The following GRIN3B variants were observed in gnomAD, a reference collection of about 807,000 sequenced individuals.
GRIN3B encodes the protein glutamate receptor ionotropic, NMDA 3B.
GRIN3B carries 77 observed loss-of-function variants against 66.0 expected under a neutral mutation model. That is an observed-to-expected ratio of 1.17 (90% CI 0.97 to 1.41). The LOEUF (loss-of-function observed/expected upper bound fraction) is 1.41, where lower values mean the gene tolerates loss of function less well. GRIN3B is among the 40% of genes most tolerant of loss of function. The probability of loss-of-function intolerance (pLI) is 0.00; values close to 1 mark genes in which losing one functional copy is unlikely to be tolerated. For synonymous variants in GRIN3B, 823 were observed against 749.7 expected (o/e 1.10, Z -1.60); for missense variants, 1,787 against 1,564.5 (o/e 1.14, Z -2.40).
In GRIN3B at chr19:1,003,121, C is replaced by T; in HGVS notation, c.427-9C>T. On this transcript the variant is annotated splice_polypyrimidine_tract_variant and intron_variant, in intron 1 of 8. Transcript: ENST00000234389. ...TCGTCAACCCTAACCGTGGCCACCC[C>T]TCTCCCAGAACCCATTCCACCTGCA... 1 of 1,433,362 alleles carries T rather than the reference C, an allele frequency of 7.0e-7. No homozygotes were observed. The highest frequency in any genetic ancestry group is 9.1e-7 in the Non-Finnish European group (1 of 1,094,030). The allele number at this position is 1,433,362 out of a possible 1,614,324, so 88.8% of individuals were successfully genotyped here. A position where few individuals can be genotyped will look rare whatever the true frequency, so the allele number is the denominator to read the frequency against.
At position 1,009,237 on chromosome 19, in the gene GRIN3B, C is replaced by T. The variant is rs550629298; in HGVS notation, c.2767C>T (p.Arg923Trp). ...DQPTAPEGWK[R>W]ARRAVDKERR... is the part of the protein sequence containing the mutation. ...GCCAACGGCTCCGGAGGGCTGGAAACGGGCGCGCCGGGCCGTGGACAAGGA... is the reference window on the plus strand; with the variant it reads ...GCCAACGGCTCCGGAGGGCTGGAAATGGGCGCGCCGGGCCGTGGACAAGGA... The change falls in exon 9 of 9, where the codon CGG (arginine) becomes TGG (tryptophan). Residue 923 changes from arginine (R) to tryptophan (W), a missense_variant. Coordinates refer to ENST00000234389, the MANE Select transcript of GRIN3B (RefSeq NM_138690.3). 157 of 1,442,486 alleles carry T rather than the reference C, an allele frequency of 1.1e-4. No homozygotes were observed. The African/African-American group carries it at 2.2e-3, about 20-fold the overall frequency. 89.4% of individuals were successfully genotyped at this position (1,442,486 alleles called of 1,614,324 possible). A position where few individuals can be genotyped will look rare whatever the true frequency, so the allele number is the denominator to read the frequency against.
chr19:1,008,321 G>GGTGGGGGTGGGC, intron 6 of GRIN3B, 30 bp downstream of exon 6: 1 of 1,201,040 alleles, frequency 8.3e-7, no homozygotes, highest in Non-Finnish European at 1.2e-6. Flanking sequence ...AGAGGGTGGG[G>GGTGGGGGTGGGC]GTGGGGGTGG....
rs950407774 is a variant in GRIN3B at position 1,005,604 on chromosome 19, C to G, written c.2052+51C>G. 2 of 1,429,882 alleles carry G rather than the reference C, an allele frequency of 1.4e-6. No homozygotes were observed. The highest frequency in any genetic ancestry group is 1.4e-5 in the South Asian group (1 of 71,976). 88.6% of individuals were successfully genotyped at this position (1,429,882 alleles called of 1,614,324 possible). A position where few individuals can be genotyped will look rare whatever the true frequency, so the allele number is the denominator to read the frequency against. On this transcript the variant is annotated intron_variant, in intron 3 of 8. Transcript: ENST00000234389. The surrounding 1 kb of genome is among the most constrained non-coding windows in gnomAD (Gnocchi z 5.2). Reference sequence around the variant, plus strand: ...TGGCCTTGGGGGGCTAGCGGTGGCCCCGGGCTGGGCTGTGTGGGGCAGGGG... The same window carrying G: ...TGGCCTTGGGGGGCTAGCGGTGGCCGCGGGCTGGGCTGTGTGGGGCAGGGG...
chr19:1,007,290 G>A lies in GRIN3B; in HGVS notation c.2053-338G>A, dbSNP rs1346624034. 2.0e-5 allele frequency among the ~76,000 whole-genome samples: 3 copies of A among 152,012 alleles called. No homozygotes were observed. Among genetic ancestry groups the A allele is most frequent in the African/African-American group, 7.3e-5 (3 of 41,376 alleles). On this transcript the variant is annotated intron_variant, in intron 3 of 8. Transcript: ENST00000234389. This position sits in a 1 kb window ranked among gnomAD's most constrained non-coding sequence, Gnocchi z 4.4. ...ATGGACATGTTAGAGTGGGGCTCCC[G>A]TGGGACCCCCAGGGGAGAGGCAGAG...
Position 1,003,247 on chromosome 19 carries a change from C to A in GRIN3B, c.544C>A (p.Gln182Lys). The change falls in exon 2 of 9, where the codon CAG becomes AAG. Residue 182 changes from glutamine to lysine, a missense_variant. Physicochemically the swap from Gln to Lys is moderately conservative, Grantham distance 53. Coordinates refer to ENST00000234389, the MANE Select transcript of GRIN3B (RefSeq NM_138690.3). Reference sequence around the variant, plus strand: ...CGTCGGCCTGGCCCTGTGCCGCACTCAGGACCCCGGCGGCCTGGTGGCCCT... The same window carrying A: ...CGTCGGCCTGGCCCTGTGCCGCACTAAGGACCCCGGCGGCCTGGTGGCCCT... Reference protein sequence around the residue: ...EDVGLALCRTQDPGGLVALWT... With the variant: ...EDVGLALCRTKDPGGLVALWT... 1 of 1,576,066 alleles carries A rather than the reference C, an allele frequency of 6.3e-7. No homozygotes were observed. Among genetic ancestry groups the A allele is most frequent in the Non-Finnish European group, 8.6e-7 (1 of 1,162,572 alleles).
rs747449485 is a variant in GRIN3B, at chr19:1,009,404, C to T, written c.2934C>T (p.Pro978=). Residue 978 remains proline (P), a synonymous_variant, in exon 9 of 9, where the codon CCC becomes CCT. Coordinates refer to ENST00000234389, the MANE Select transcript of GRIN3B (RefSeq NM_138690.3). ...CCGCCGCAAGGCCCACGGGGGCCCC[C>T]CAGCCCGGGGAGCTGCAGGAGCTGG... ...RPPAARPTGA[P]QPGELQELER... The T allele has an allele frequency of 2.1e-6, 3 of 1,425,896 alleles. No individual in the cohort carries two copies. Among genetic ancestry groups the T allele is most frequent in the South Asian group, 1.4e-5 (1 of 71,114 alleles). The allele number at this position is 1,425,896 out of a possible 1,614,324, so 88.3% of individuals were successfully genotyped here. A position where few individuals can be genotyped will look rare whatever the true frequency, so the allele number is the denominator to read the frequency against.
In GRIN3B at chr19:1,005,517, G is replaced by A; in HGVS notation, c.2016G>A (p.Lys672=). Reference sequence around the variant, plus strand: ...TGGCTGCCGTCATGGTCGGGGACAAGACCTTCGAGGAGCTGTCGGGGATCC... The same window carrying A: ...TGGCTGCCGTCATGGTCGGGGACAAAACCTTCGAGGAGCTGTCGGGGATCC... ...ANLAAVMVGD[K]TFEELSGIHD... The change falls in exon 3 of 9, where the codon AAG becomes AAA. Residue 672 remains lysine (K), a synonymous_variant. Coordinates refer to ENST00000234389, the MANE Select transcript of GRIN3B (RefSeq NM_138690.3). This position sits in a 1 kb window ranked among gnomAD's most constrained non-coding sequence, Gnocchi z 5.2. 2 of 1,611,342 alleles carry A rather than the reference G, an allele frequency of 1.2e-6. No individual in the cohort carries two copies. Among genetic ancestry groups the A allele is most frequent in the Non-Finnish European group, 1.7e-6 (2 of 1,178,746 alleles).
Position 1,007,658 on chromosome 19 carries a change from G to A in GRIN3B, c.2083G>A (p.Gly695Ser), listed in dbSNP as rs1315085538. The change falls in exon 4 of 9, where the codon GGC becomes AGC. Residue 695 changes from glycine to serine, a missense_variant. Gly to Ser is a moderately conservative substitution (Grantham distance 56). Transcript: ENST00000234389. The surrounding 1 kb of genome is among the most constrained non-coding windows in gnomAD (Gnocchi z 4.4). ...LHHPAQGFRF[G>S]TVWESSAEAY... Reference sequence around the variant, plus strand: ...CCACCCGGCGCAGGGCTTCCGCTTCGGCACCGTGTGGGAGAGCAGCGCCGA... The same window carrying A: ...CCACCCGGCGCAGGGCTTCCGCTTCAGCACCGTGTGGGAGAGCAGCGCCGA... The A allele has an allele frequency of 1.0e-5, 16 of 1,529,108 alleles. No individual in the cohort carries two copies. Among genetic ancestry groups the A allele is most frequent in the Admixed American group, 2.0e-5 (1 of 49,196 alleles). The allele number at this position is 1,529,108 out of a possible 1,614,324, so 94.7% of individuals were successfully genotyped here.
At chr19:1,004,090 C>T (rs2038713352) in intron 2 of GRIN3B, among the ~76,000 whole-genome samples, 1 of 152,202 alleles carries the variant, frequency 6.6e-6, no homozygotes, top group African/African-American at 2.4e-5. Context: ...GTCTCAAACA[C>T]ACAAAGTCAG....
chr19:1,005,055 G>A lies in GRIN3B; in HGVS notation c.1554G>A (p.Gly518=). ...ACGGCCGCTGGACCGGCCTGGTCGG[G>A]GACCTGCTGGCCGGCCGGGCCCACA... ...LRDGRWTGLV[G]DLLAGRAHMA... Residue 518 remains glycine, a synonymous_variant, in exon 3 of 9, where the codon GGG becomes GGA. Coordinates refer to ENST00000234389, the MANE Select transcript of GRIN3B (RefSeq NM_138690.3). The surrounding 1 kb of genome is among the most constrained non-coding windows in gnomAD (Gnocchi z 5.2). The A allele has an allele frequency of 1.2e-6, 2 of 1,611,556 alleles. No individual in the cohort carries two copies. Among genetic ancestry groups the A allele is most frequent in the Non-Finnish European group, 1.7e-6 (2 of 1,179,116 alleles).
chr19:1,007,525 C>A lies in GRIN3B; in HGVS notation c.2053-103C>A. The A allele has an allele frequency of 7.8e-7, 1 of 1,289,320 alleles. No individual in the cohort carries two copies. The highest frequency in any genetic ancestry group is 1.9e-5 in the South Asian group (1 of 52,582). 79.9% of individuals were successfully genotyped at this position (1,289,320 alleles called of 1,614,324 possible). ...GGAGGCCAGGAATGCAGCCTCGGCG[C>A]CCTGCAGTGCCCAGGACGGCCCCAC... On this transcript the variant is annotated intron_variant, in intron 3 of 8. Transcript: ENST00000234389. This position sits in a 1 kb window ranked among gnomAD's most constrained non-coding sequence, Gnocchi z 4.4.
Position 1,000,422 on chromosome 19 carries a change from C to G in GRIN3B, c.-16C>G. On this transcript the variant is annotated 5_prime_UTR_variant, in exon 1 of 9. Transcript: ENST00000234389. ...GGTGGTTGCGCCCCGTGGCGAGCGA[C>G]GCCGACAACTTTGCGATGGAGTTTG... 8.2e-7 allele frequency: 1 copy of G among 1,212,302 alleles called. No homozygotes were observed. The highest frequency in any genetic ancestry group is 4.2e-5 in the Admixed American group (1 of 23,546). The allele number at this position is 1,212,302 out of a possible 1,614,324, so 75.1% of individuals were successfully genotyped here. A position where few individuals can be genotyped will look rare whatever the true frequency, so the allele number is the denominator to read the frequency against.
rs751494164 is a variant in GRIN3B, at chr19:1,004,553, CGGGCCCCGTGT to C, written c.1056_1066del (p.Pro353AspfsTer13). The stretch of plus-strand genomic sequence containing the variant: ...GCCAACACGTCCTTCCAGGGCCGCA[CGGGCCCCGTGT>C]GGGTGACAGGCAGCTCCCAGGTACA... On this transcript the variant is annotated frameshift_variant, in exon 3 of 9. Coordinates refer to ENST00000234389, the MANE Select transcript of GRIN3B (RefSeq NM_138690.3). LOFTEE classifies it high-confidence loss of function. The C allele has an allele frequency of 2.0e-5, 32 of 1,608,350 alleles. No homozygotes were observed. The East Asian group carries it at 7.2e-4, about 36-fold the overall frequency.
Position 1,008,281 on chromosome 19 carries a change from C to A in GRIN3B, c.2456C>A (p.Ala819Glu), listed in dbSNP as rs754580037. Residue 819 changes from alanine (A) to glutamate (E), a missense_variant, in exon 6 of 9, where the codon GCG becomes GAG. Ala to Glu is a moderately radical substitution (Grantham distance 107). Transcript: ENST00000234389. ...GTGCCTTGCGGCAAGCGGGTCTTTG[C>A]GGTTACAGAGGTGGGGCAGGGCCTG... ...KMVPCGKRVF[A>E]VTETLQMSIY... 2 of 1,264,112 alleles carry A rather than the reference C, an allele frequency of 1.6e-6. No homozygotes were observed. The highest frequency in any genetic ancestry group is 2.4e-5 in the South Asian group (2 of 81,856). The allele number at this position is 1,264,112 out of a possible 1,614,324, so 78.3% of individuals were successfully genotyped here. A position where few individuals can be genotyped will look rare whatever the true frequency, so the allele number is the denominator to read the frequency against.
chr19:1,008,422 A>G, intron 6 of GRIN3B, 131 bp downstream of exon 6: 2 of 1,025,208 alleles, frequency 2.0e-6, no homozygotes, highest in South Asian at 1.6e-5. Flanking sequence ...ACTTCTATTC[A>G]CCCTACAAAA....
chr19:1,003,895 C>T (rs999046856), intron 2 of GRIN3B, among the ~76,000 whole-genome samples, 173 bp downstream of exon 2: 10 of 152,182 alleles, frequency 6.6e-5, no homozygotes, highest in African/African-American at 2.2e-4. Flanking sequence ...GAGACCAGCC[C>T]GGCCAACATG....
rs2038674203 is a variant in GRIN3B at position 1,000,657 on chromosome 19, C to T, written c.220C>T (p.Leu74=). ...GCTGCCGCACAACCTGAGCTTGGAGCTGGTGGTCGCCGCGCCCCCCGCCCG... is the reference window on the plus strand; with the variant it reads ...GCTGCCGCACAACCTGAGCTTGGAGTTGGTGGTCGCCGCGCCCCCCGCCCG... ...PRLPHNLSLE[L]VVAAPPARDP... is the part of the protein sequence containing the mutation. The change falls in exon 1 of 9, where the codon CTG becomes TTG. Residue 74 remains leucine, a synonymous_variant. Coordinates refer to ENST00000234389, the MANE Select transcript of GRIN3B (RefSeq NM_138690.3). 7.6e-7 allele frequency: 1 copy of T among 1,316,058 alleles called. No individual in the cohort carries two copies. The highest frequency in any genetic ancestry group is 3.4e-5 in the East Asian group (1 of 29,560). The allele number at this position is 1,316,058 out of a possible 1,614,324, so 81.5% of individuals were successfully genotyped here.
rs749214650 is a variant in GRIN3B, at chr19:1,007,842, C to T, written c.2199-14C>T. 3.8e-6 allele frequency: 6 copies of T among 1,595,740 alleles called. No individual in the cohort carries two copies. In the African/African-American group the frequency reaches 4.0e-5, roughly 11 times the overall value. On this transcript the variant is annotated splice_polypyrimidine_tract_variant and intron_variant, in intron 4 of 8. Coordinates refer to ENST00000234389, the MANE Select transcript of GRIN3B (RefSeq NM_138690.3). This position sits in a 1 kb window ranked among gnomAD's most constrained non-coding sequence, Gnocchi z 4.4. ...GGCGGGGCGATGGCTGACCCCCGCC[C>T]CCGGCCCCAGCAGGAGCGACCCCCC...
intron 6 of GRIN3B, 85 bp from the exon 7 acceptor site, chr19:1,008,533 G>A: frequency 6.7e-7 from 1 of 1,483,772 alleles, no homozygotes; most frequent in East Asian, 2.3e-5. Flanking sequence ...CCTCTCTCTG[G>A]CCCAACCTGT....
Sources: allele counts gnomAD v4.1 joint callset (sites outside exome capture counted in the v4.1 genomes callset), GRCh38; gene constraint gnomAD v4.1.1; non-coding constraint Gnocchi (gnomAD v3.1); transcripts MANE v1.5; gene names NCBI Gene and HGNC (gene_info 2026-07-23, HGNC 2026-07-21).